Variants in SNTG1 observed in about 807,000 individuals in gnomAD.
SNTG1 encodes the protein syntrophin gamma 1.
A neutral mutation model predicts 74.7 loss-of-function variants in SNTG1; 39 were observed. That is an observed-to-expected ratio of 0.52 (90% CI 0.40 to 0.68). The LOEUF is 0.68. Ranked by LOEUF, SNTG1 falls within the 30% of genes least tolerant of loss-of-function variation. The pLI is 0.00. For synonymous variants in SNTG1, 254 were observed against 217.1 expected (o/e 1.17, Z -1.49); for missense variants, 685 against 609.5 (o/e 1.12, Z -1.30).
intron 13 of SNTG1, among the ~76,000 whole-genome samples, chr8:50,602,776 A>G (rs1348115754): frequency 6.6e-6 from 1 of 152,130 alleles, no homozygotes; most frequent in Non-Finnish European, 1.5e-5. Flanking sequence ...CACTGGATAT[A>G]CTATTCTAAT....
intron 17 of SNTG1, among the ~76,000 whole-genome samples, chr8:50,715,559 A>G (rs2095473064): frequency 6.6e-6 from 1 of 152,210 alleles, no homozygotes; most frequent in Non-Finnish European, 1.5e-5. Flanking sequence ...AAACAGTCGT[A>G]AGAATGAGCT....
At chr8:50,539,781 A>G (rs888812767) in intron 11 of SNTG1, among the ~76,000 whole-genome samples, 31 of 152,208 alleles carry the variant, frequency 2.0e-4, no homozygotes, top group African/African-American at 7.0e-4. Context: ...GCTTCTTGCT[A>G]AGCCCTGCTG....
At chr8:50,316,589 G>T (rs545572714) in intron 2 of SNTG1, among the ~76,000 whole-genome samples, 4 of 151,994 alleles carry the variant, frequency 2.6e-5, no homozygotes, top group Non-Finnish European at 5.9e-5. Flanking sequence ...TCTGCTGATG[G>T]CAACCTTTTT....
chr8:50,743,826 T>G (rs542728798), intron 17 of SNTG1, among the ~76,000 whole-genome samples: 92 of 151,978 alleles, frequency 6.1e-4, no homozygotes, highest in African/African-American at 2.2e-3. Flanking sequence ...GGAAAGAGGT[T>G]TAGTTGGCTT....
chr8:50,763,734 A>G (rs774861595), intron 18 of SNTG1, among the ~76,000 whole-genome samples: 5 of 144,354 alleles, frequency 3.5e-5, no homozygotes, highest in Non-Finnish European at 6.0e-5. Flanking sequence ...GTGTTCAGGG[A>G]TTGGAAAAAT....
At chr8:50,500,164 C>T (rs901380878) in intron 8 of SNTG1, among the ~76,000 whole-genome samples, 2 of 150,926 alleles carry the variant, frequency 1.3e-5, no homozygotes, top group South Asian at 4.2e-4. Flanking sequence ...CTTCTTTCTC[C>T]TCTCCTCTAT....
At chr8:50,299,206 G>A (rs374517586) in intron 2 of SNTG1, among the ~76,000 whole-genome samples, 28 of 152,166 alleles carry the variant, frequency 1.8e-4, no homozygotes, top group Middle Eastern at 3.4e-3. Context: ...AAAGTTTTCC[G>A]AAGAGACAGG....
intron 12 of SNTG1, among the ~76,000 whole-genome samples, chr8:50,556,239 C>T (rs1183757729): frequency 6.6e-6 from 1 of 152,110 alleles, no homozygotes; most frequent in Non-Finnish European, 1.5e-5. Context: ...AGGGACTTGT[C>T]TTAAGCTGTA....
At chr8:50,720,135 G>A (rs1010343339) in intron 17 of SNTG1, among the ~76,000 whole-genome samples, 16 of 152,046 alleles carry the variant, frequency 1.1e-4, no homozygotes, top group Admixed American at 1.0e-3. Context: ...CCATAATAAC[G>A]ACATTTCAAA....
intron 9 of SNTG1, among the ~76,000 whole-genome samples, chr8:50,528,956 G>A (rs1326667730): frequency 6.7e-6 from 1 of 148,966 alleles, no homozygotes; most frequent in East Asian, 2.0e-4. Flanking sequence ...TTTTGCTTTG[G>A]TTCAATTTGC....
intron 3 of SNTG1, among the ~76,000 whole-genome samples, chr8:50,394,747 T>G (rs1171241399): frequency 6.6e-6 from 1 of 152,172 alleles, no homozygotes; most frequent in Admixed American, 6.5e-5. Context: ...CACATTAGTA[T>G]TTCAAGGATG....
chr8:50,653,791 A>G (rs1194633012), intron 13 of SNTG1, among the ~76,000 whole-genome samples: 3 of 152,176 alleles, frequency 2.0e-5, no homozygotes, highest in Non-Finnish European at 4.4e-5. Context: ...AAGGATCTAG[A>G]AGGTCAAAAC....
At chr8:50,591,591 C>A (rs955482929) in intron 13 of SNTG1, among the ~76,000 whole-genome samples, 5 of 152,146 alleles carry the variant, frequency 3.3e-5, no homozygotes, top group African/African-American at 1.2e-4. Flanking sequence ...TAAATAATAG[C>A]ACATGTAAAG....
chr8:50,469,120 G>A (rs943785573), intron 8 of SNTG1, among the ~76,000 whole-genome samples: 8 of 151,326 alleles, frequency 5.3e-5, no homozygotes, highest in African/African-American at 1.9e-4. Flanking sequence ...CTTCAGACTT[G>A]TGTCATTTTT....
intron 8 of SNTG1, among the ~76,000 whole-genome samples, chr8:50,495,869 AG>A (rs1180189278): frequency 6.6e-6 from 1 of 152,186 alleles, no homozygotes. Context: ...CACAAATGGC[AG>A]GAGGACTCCC....
At chr8:50,687,861 C>T (rs906283545) in intron 15 of SNTG1, among the ~76,000 whole-genome samples, 3 of 152,090 alleles carry the variant, frequency 2.0e-5, no homozygotes, top group African/African-American at 4.8e-5. Flanking sequence ...TGATATTTTA[C>T]AGTCCCACCA....
intron 2 of SNTG1, among the ~76,000 whole-genome samples, chr8:50,293,399 G>A (rs530593464): frequency 8.2e-4 from 107 of 130,870 alleles, no homozygotes; most frequent in African/African-American, 2.4e-3. Context: ...ACCTTAGTAG[G>A]CTTCTTTTTT....
intron 8 of SNTG1, among the ~76,000 whole-genome samples, chr8:50,459,410 A>T (rs1563415904): frequency 6.6e-6 from 1 of 152,148 alleles, no homozygotes; most frequent in Admixed American, 6.6e-5. Flanking sequence ...TTGAATCATC[A>T]TAAGAGAGGA....
At chr8:50,200,321 T>C (rs2083936589) in intron 2 of SNTG1, among the ~76,000 whole-genome samples, 1 of 152,158 alleles carries the variant, frequency 6.6e-6, no homozygotes, top group South Asian at 2.1e-4. Context: ...CTCTGAAGTC[T>C]CCTCACTTAA....
Sources: allele counts gnomAD v4.1 joint callset (sites outside exome capture counted in the v4.1 genomes callset), GRCh38; gene constraint gnomAD v4.1.1; transcripts MANE v1.5; gene names NCBI Gene and HGNC (gene_info 2026-07-23, HGNC 2026-07-21).